The following DYSF variants were observed in gnomAD, a reference collection of about 807,000 sequenced individuals.
DYSF encodes the protein dysferlin.
Under a neutral mutation model 274.9 loss-of-function variants are expected in DYSF, and 212 were observed. The observed-to-expected ratio is 0.77, with a 90% confidence interval of 0.69 to 0.86. The LOEUF (loss-of-function observed/expected upper bound fraction) is 0.86, where lower values mean the gene tolerates loss of function less well. Ranked by LOEUF, DYSF falls within the 40% of genes least tolerant of loss-of-function variation. The pLI is 0.00. For synonymous variants in DYSF, 1,091 were observed against 1,078.7 expected, an observed-to-expected ratio of 1.01 and a Z score of -0.22; for missense variants, 2,666 against 2,783.2, an observed-to-expected ratio of 0.96 and a Z score of 0.95.
rs1251098817 is a variant in DYSF at position 71,612,715 on chromosome 2, G to A, written c.4296G>A (p.Arg1432=). 1 of 1,614,180 alleles carries A rather than the reference G, an allele frequency of 6.2e-7. No individual in the cohort carries two copies. Among genetic ancestry groups the A allele is most frequent in the Non-Finnish European group, 8.5e-7 (1 of 1,180,038 alleles). The change falls in exon 39 of 56, where the codon CGG becomes CGA. Residue 1432 remains arginine (R), a synonymous_variant. Coordinates refer to ENST00000410020, the MANE Select transcript of DYSF (RefSeq NM_001130987.2). Reference sequence around the variant, plus strand: ...TCGATAACCGCCAGTTTGGCCGCCGGCCTGTGGTGGGCCAGTGTACCATCC... The same window carrying A: ...TCGATAACCGCCAGTTTGGCCGCCGACCTGTGGTGGGCCAGTGTACCATCC... ...KVIDNRQFGR[R]PVVGQCTIRS...
chr2:71,592,420 T>TG (rs2093293925), intron 32 of DYSF, among the ~76,000 whole-genome samples: 1 of 152,210 alleles, frequency 6.6e-6, no homozygotes, highest in Non-Finnish European at 1.5e-5. Flanking sequence ...AAGGCCCGAT[T>TG]GAGCAGCTGC....
intron 17 of DYSF, among the ~76,000 whole-genome samples, chr2:71,550,778 A>G (rs2090886958): frequency 6.6e-6 from 1 of 152,166 alleles, no homozygotes; most frequent in South Asian, 2.1e-4. Flanking sequence ...TTGCATCTCC[A>G]AGCCTCGGTT....
At chr2:71,508,863 C>CT (rs1250097867) in intron 4 of DYSF, among the ~76,000 whole-genome samples, 1 of 152,070 alleles carries the variant, frequency 6.6e-6, no homozygotes, top group Non-Finnish European at 1.5e-5. Context: ...TGTATTTTTA[C>CT]TTTTTTTGAG....
At chr2:71,477,968 A>G (rs2082528329) in intron 1 of DYSF, among the ~76,000 whole-genome samples, 1 of 151,996 alleles carries the variant, frequency 6.6e-6, no homozygotes, top group Non-Finnish European at 1.5e-5. Context: ...ATTAATAGAT[A>G]TGAGAATCCA....
chr2:71,475,022 T>G (rs1356248883), intron 1 of DYSF, among the ~76,000 whole-genome samples: 1 of 152,194 alleles, frequency 6.6e-6, no homozygotes, highest in Non-Finnish European at 1.5e-5. Context: ...ATCCACTGAT[T>G]GCTGAGGAGC....
chr2:71,467,214 G>A (rs1041153333), intron 1 of DYSF, among the ~76,000 whole-genome samples: 3 of 152,234 alleles, frequency 2.0e-5, no homozygotes, highest in Admixed American at 6.5e-5. Flanking sequence ...AGGAAATAAA[G>A]TCCGAGCTTT....
intron 1 of DYSF, among the ~76,000 whole-genome samples, chr2:71,477,576 T>C (rs538556765): frequency 2.0e-5 from 3 of 152,316 alleles, no homozygotes; most frequent in East Asian, 3.9e-4. Flanking sequence ...GTGTAATTTT[T>C]TGGTAGGGCA....
intron 30 of DYSF, among the ~76,000 whole-genome samples, chr2:71,579,056 G>A (rs1006588627): frequency 3.9e-5 from 6 of 152,156 alleles, no homozygotes; most frequent in South Asian, 2.1e-4. Flanking sequence ...GCACAAAGCC[G>A]CTATTATAGC....
chr2:71,574,458 G>A, intron 30 of DYSF, 87 bp downstream of exon 30: 1 of 1,517,918 alleles, frequency 6.6e-7, no homozygotes, highest in African/African-American at 1.4e-5. Context: ...GAGGCACAGG[G>A]ACCCCAGGTT....
intron 41 of DYSF, among the ~76,000 whole-genome samples, chr2:71,621,074 C>T (rs1316547596): frequency 6.6e-6 from 1 of 152,118 alleles, no homozygotes; most frequent in Non-Finnish European, 1.5e-5. Flanking sequence ...CTGGGGCCAA[C>T]AGTCTGCTCC....
At chr2:71,542,500 C>A in intron 17 of DYSF, among the ~76,000 whole-genome samples, 1 of 152,048 alleles carries the variant, frequency 6.6e-6, no homozygotes, top group Non-Finnish European at 1.5e-5. Context: ...CTCTGGTTTT[C>A]CTAGGCAGAG....
chr2:71,657,657 G>A (rs1278882718), intron 43 of DYSF, among the ~76,000 whole-genome samples: 1 of 152,194 alleles, frequency 6.6e-6, no homozygotes, highest in African/African-American at 2.4e-5. Context: ...GCACCCACAG[G>A]CTCAATACCA....
At position 71,571,510 on chromosome 2, in the gene DYSF, C is replaced by G. The variant is rs371723762; in HGVS notation, c.3228+769C>G. On this transcript the variant is annotated intron_variant, in intron 29 of 55. Coordinates refer to ENST00000410020, the MANE Select transcript of DYSF (RefSeq NM_001130987.2). Reference sequence around the variant, plus strand: ...ACCCAGCACGCACAGATCACACCCACCACACACAGCTCACACCCAGCACAC... The same window carrying G: ...ACCCAGCACGCACAGATCACACCCAGCACACACAGCTCACACCCAGCACAC... 6.7e-4 allele frequency among the ~76,000 whole-genome samples: 76 copies of G among 114,276 alleles called. 1 individual carries two copies. Among genetic ancestry groups the G allele is most frequent in the Non-Finnish European group, 7.9e-4 (45 of 57,100 alleles). The allele number at this position is 114,276 out of a possible 152,430, so 75.0% of individuals were successfully genotyped here.
chr2:71,455,186 A>G (rs1034728535), intron 1 of DYSF, among the ~76,000 whole-genome samples: 1 of 152,166 alleles, frequency 6.6e-6, no homozygotes, highest in Admixed American at 6.5e-5. Context: ...AGCGTGTGGG[A>G]CACCTGTGAT....
In DYSF at chr2:71,552,257, C is replaced by T. The variant is rs561972527; in HGVS notation, c.1806+537C>T. Among the ~76,000 whole-genome samples the T allele has an allele frequency of 7.9e-5, 12 of 152,266 alleles. No individual in the cohort carries two copies. In the East Asian group the frequency reaches 1.7e-3, roughly 22 times the overall value. On this transcript the variant is annotated intron_variant, in intron 19 of 55. Transcript: ENST00000410020. ...AAGCTCTTAGACACAGTGGTCAGAT[C>T]GCTCTGGTTTGAATCCTGGCTCTAG...
intron 30 of DYSF, among the ~76,000 whole-genome samples, chr2:71,581,167 A>G (rs2092882670): frequency 1.3e-5 from 2 of 152,336 alleles, no homozygotes; most frequent in South Asian, 2.1e-4. Flanking sequence ...TCTCTGCAAC[A>G]TCCGCATGTG....
intron 41 of DYSF, among the ~76,000 whole-genome samples, chr2:71,623,137 C>T (rs1020361685): frequency 2.6e-5 from 4 of 151,626 alleles, no homozygotes; most frequent in South Asian, 4.2e-4. Flanking sequence ...GACAGGTAGT[C>T]GATTGGCTAA....
chr2:71,533,889 C>T (rs1384873145), intron 14 of DYSF, among the ~76,000 whole-genome samples: 3 of 152,174 alleles, frequency 2.0e-5, no homozygotes, highest in Non-Finnish European at 4.4e-5. Context: ...GTCTCAAGGC[C>T]TTGCGTCTTC....
chr2:71,580,513 G>A (rs1172870232), intron 30 of DYSF, among the ~76,000 whole-genome samples: 1 of 152,252 alleles, frequency 6.6e-6, no homozygotes, highest in Non-Finnish European at 1.5e-5. Flanking sequence ...TGTGGGCAGG[G>A]GACCCAGGCT....
Sources: gnomAD v4.1 joint callset for allele counts (sites outside exome capture counted in the v4.1 genomes callset) on GRCh38, gnomAD v4.1.1 for gene constraint, MANE v1.5 for transcripts, NCBI Gene and HGNC (gene_info 2026-07-23, HGNC 2026-07-21) for gene names.